Variants in EXOC6B observed in about 807,000 individuals in gnomAD.
EXOC6B encodes exocyst complex component 6B.
Under a neutral mutation model 113.5 loss-of-function variants are expected in EXOC6B, and 54 were observed. That is an observed-to-expected ratio of 0.48 (90% confidence interval 0.38 to 0.60). EXOC6B has a LOEUF of 0.60. Among genes scored for constraint, EXOC6B ranks in the 20% least tolerant of loss-of-function variants. EXOC6B has a pLI of 0.00. For synonymous variants in EXOC6B, 357 were observed against 339.0 expected (o/e 1.05, Z -0.58); for missense variants, 797 against 977.5 (o/e 0.82, Z 2.46).
intron 6 of EXOC6B, among the ~76,000 whole-genome samples, chr2:72,633,697 G>A (rs536588001): frequency 2.0e-5 from 3 of 152,152 alleles, no homozygotes; most frequent in Non-Finnish European, 4.4e-5. Context: ...ACAGTACCAT[G>A]GAGCTGACTC....
intron 17 of EXOC6B, among the ~76,000 whole-genome samples, chr2:72,478,372 T>C (rs1382879494): frequency 6.6e-6 from 1 of 152,182 alleles, no homozygotes; most frequent in African/African-American, 2.4e-5. Flanking sequence ...CTACCCCTTT[T>C]CCAGCATAAA....
chr2:72,478,063 T>C (rs147626821), intron 17 of EXOC6B, among the ~76,000 whole-genome samples: 2 of 152,164 alleles, frequency 1.3e-5, no homozygotes, highest in Admixed American at 6.5e-5. Flanking sequence ...AGAGATTGAA[T>C]ACATCTAATG....
intron 20 of EXOC6B, among the ~76,000 whole-genome samples, chr2:72,191,089 A>G (rs1678801992): frequency 6.6e-6 from 1 of 152,222 alleles, no homozygotes; most frequent in African/African-American, 2.4e-5. Flanking sequence ...TAAGCTATAT[A>G]GGTTAATTAA....
chr2:72,677,271 T>A (rs918143544), intron 6 of EXOC6B, among the ~76,000 whole-genome samples: 6 of 151,968 alleles, frequency 3.9e-5, no homozygotes, highest in Admixed American at 1.3e-4. Flanking sequence ...ATGGCTCGCA[T>A]CTGTAATCCA....
intron 12 of EXOC6B, among the ~76,000 whole-genome samples, chr2:72,499,012 A>C (rs1700187578): frequency 6.6e-6 from 1 of 152,130 alleles, no homozygotes; most frequent in African/African-American, 2.4e-5. Context: ...CTCAGCTGCC[A>C]TATATGAATT....
rs1701112070 is a variant in EXOC6B at position 72,514,593 on chromosome 2, AATAAATAAATAAAT to A, written c.1046+27_1046+40del. The A allele has an allele frequency of 1.2e-5, 3 of 243,392 alleles. 1 individual carries two copies. Among genetic ancestry groups the A allele is most frequent in the Admixed American group, 1.6e-4 (2 of 12,134 alleles). The allele number at this position is 243,392 out of a possible 1,614,324, so 15.1% of individuals were successfully genotyped here. ...ATAAATTTCAATAAATAAATAAATAAATAAATAAATAAATATATATATATATATATATATACCTA... is the reference window on the plus strand; with the variant it reads ...ATAAATTTCAATAAATAAATAAATAAATATATATATATATATATATACCTA... On this transcript the variant is annotated intron_variant, in intron 10 of 21. Transcript: ENST00000272427.
rs1375096086 is a variant in EXOC6B, at chr2:72,401,564, TAC to T, written c.1981-21696_1981-21695del. On this transcript the variant is annotated intron_variant, in intron 18 of 21. Transcript: ENST00000272427. ...ATATATGTGTATATATATATATATATACATATATATATATATACATATATATA... is the reference window on the plus strand; with the variant it reads ...ATATATGTGTATATATATATATATATATATATATATATATACATATATATA... 4.7e-3 allele frequency among the ~76,000 whole-genome samples: 120 copies of T among 25,564 alleles called. 1 individual carries two copies. Among genetic ancestry groups the T allele is most frequent in the Non-Finnish European group, 5.4e-3 (89 of 16,598 alleles). The allele number at this position is 25,564 out of a possible 152,430, so 16.8% of individuals were successfully genotyped here.
chr2:72,767,572 G>A (rs1462622953), intron 1 of EXOC6B, among the ~76,000 whole-genome samples: 5 of 151,768 alleles, frequency 3.3e-5, no homozygotes, highest in Non-Finnish European at 7.4e-5. Context: ...CACTTTGGGA[G>A]GCGAGGCCGG....
chr2:72,216,712 T>C (rs889608315), intron 20 of EXOC6B, among the ~76,000 whole-genome samples: 3 of 152,096 alleles, frequency 2.0e-5, no homozygotes, highest in African/African-American at 2.4e-5. Context: ...CATGGAAAAC[T>C]ATGCAGTCAT....
At position 72,718,273 on chromosome 2, in the gene EXOC6B, C is replaced by T; in HGVS notation, c.499G>A (p.Glu167Lys). 3 of 1,613,678 alleles carry T rather than the reference C, an allele frequency of 1.9e-6. No individual in the cohort carries two copies. The highest frequency in any genetic ancestry group is 2.5e-6 in the Non-Finnish European group (3 of 1,179,730). ...YPALKTLEHLEHTYLPQVSHY... is the reference protein window; with the variant it reads ...YPALKTLEHLKHTYLPQVSHY... The stretch of plus-strand genomic sequence containing the variant: ...CTTACTTGAGGCAGGTAGGTATGCT[C>T]TAGATGTTCCAGAGTTTTCAGTGCA... Residue 167 changes from glutamate to lysine, a missense_variant, in exon 6 of 22, where the codon GAG becomes AAG. Coordinates refer to ENST00000272427, the MANE Select transcript of EXOC6B (RefSeq NM_015189.3).
intron 7 of EXOC6B, among the ~76,000 whole-genome samples, chr2:72,572,266 C>T (rs1453788242): frequency 6.6e-6 from 1 of 152,158 alleles, no homozygotes; most frequent in Admixed American, 6.5e-5. Flanking sequence ...GAGCTCCATC[C>T]TCACCAGGGA....
At chr2:72,677,974 G>A (rs1248490585) in intron 6 of EXOC6B, among the ~76,000 whole-genome samples, 1 of 152,126 alleles carries the variant, frequency 6.6e-6, no homozygotes, top group East Asian at 1.9e-4. Flanking sequence ...TGACAATAGA[G>A]GATTGCTAGA....
chr2:72,518,494 GT>G (rs1701326355), intron 8 of EXOC6B, among the ~76,000 whole-genome samples: 1 of 151,470 alleles, frequency 6.6e-6, no homozygotes, highest in Non-Finnish European at 1.5e-5. Context: ...GTGTGTGTGT[GT>G]GTGTGTGTGT....
intron 6 of EXOC6B, among the ~76,000 whole-genome samples, chr2:72,627,437 T>C (rs1672126738): frequency 6.6e-6 from 1 of 152,222 alleles, no homozygotes; most frequent in African/African-American, 2.4e-5. Context: ...CAAACTATGC[T>C]GCACAGATTC....
chr2:72,740,332 C>T (rs1681221207), intron 2 of EXOC6B, among the ~76,000 whole-genome samples: 1 of 151,990 alleles, frequency 6.6e-6, no homozygotes, highest in African/African-American at 2.4e-5. Context: ...AGCATAAGGA[C>T]TTGAAAGAAG....
rs561179010 is a variant in EXOC6B at position 72,241,137 on chromosome 2, C to T, written c.2197-56950G>A. Reference sequence around the variant, plus strand: ...TTCTAGTGGAAAAATGGACAACATGCAAGACCACATGGGTAACGTAAGAAG... The same window carrying T: ...TTCTAGTGGAAAAATGGACAACATGTAAGACCACATGGGTAACGTAAGAAG... On this transcript the variant is annotated intron_variant, in intron 20 of 21. Transcript: ENST00000272427. Among the ~76,000 whole-genome samples the T allele has an allele frequency of 5.3e-5, 8 of 152,208 alleles. No homozygotes were observed. The East Asian group carries it at 1.5e-3, about 29-fold the overall frequency.
chr2:72,427,898 GCT>G (rs1695300198), intron 18 of EXOC6B, among the ~76,000 whole-genome samples: 1 of 152,138 alleles, frequency 6.6e-6, no homozygotes, highest in African/African-American at 2.4e-5. Context: ...GCCCACAAAA[GCT>G]CTGAGCTCAG....
At chr2:72,572,319 T>A (rs1704561880) in intron 7 of EXOC6B, among the ~76,000 whole-genome samples, 1 of 152,162 alleles carries the variant, frequency 6.6e-6, no homozygotes, top group African/African-American at 2.4e-5. Context: ...TCAACCTGTA[T>A]AATCACAATC....
chr2:72,393,330 G>A (rs577346258), intron 18 of EXOC6B, among the ~76,000 whole-genome samples: 127 of 151,984 alleles, frequency 8.4e-4, no homozygotes, highest in African/African-American at 2.9e-3. Context: ...TCCTGACCTC[G>A]TGATCCACCC....
Sources: allele counts gnomAD v4.1 joint callset (sites outside exome capture counted in the v4.1 genomes callset), GRCh38; gene constraint gnomAD v4.1.1; transcripts MANE v1.5; gene names NCBI Gene and HGNC (gene_info 2026-07-23, HGNC 2026-07-21).